Variants in SF3B1 observed in about 807,000 individuals in gnomAD.
SF3B1 encodes the protein pre-mRNA processing 10.
In SF3B1, 12 loss-of-function variants were observed where a neutral mutation model predicts 153.8. That is an observed-to-expected ratio of 0.08 (90% CI 0.05 to 0.13). The LOEUF is 0.13. Among genes scored for constraint, SF3B1 ranks in the 10% least tolerant of loss-of-function variants. The pLI is 1.00. For missense variants in SF3B1, 513 were observed against 1,606.1 expected (o/e 0.32, Z 11.63); for synonymous variants, 498 against 525.2 (o/e 0.95, Z 0.71).
At chr2:197,404,101 T>C (rs2084963061) in intron 11 of SF3B1, among the ~76,000 whole-genome samples, 2 of 152,232 alleles carry the variant, frequency 1.3e-5, no homozygotes, top group Admixed American at 1.3e-4. Context: ...CTTCAAGCTT[T>C]AAGCATATTT....
intron 4 of SF3B1, chr2:197,418,938 A>G: frequency 1.2e-6 from 2 of 1,601,396 alleles, no homozygotes; most frequent in Non-Finnish European, 1.7e-6. Flanking sequence ...GACTTCAAGC[A>G]GCAGAATAGA....
At position 197,401,982 on chromosome 2, in the gene SF3B1, T is replaced by C. The variant is rs771174485; in HGVS notation, c.2223+3A>G. On this transcript the variant is annotated splice_donor_region_variant and intron_variant, in intron 15 of 24. Transcript: ENST00000335508. The surrounding 1 kb of genome is among the most constrained non-coding windows in gnomAD (Gnocchi z 4.2). Reference sequence around the variant, plus strand: ...TAAATCAAAAGGTAATTGGTGGATTTACCTTTCCTCTGTGTTGGCGGATAC... The same window carrying C: ...TAAATCAAAAGGTAATTGGTGGATTCACCTTTCCTCTGTGTTGGCGGATAC... 9 of 1,610,564 alleles carry C rather than the reference T, an allele frequency of 5.6e-6. No homozygotes were observed. The highest frequency in any genetic ancestry group is 7.6e-6 in the Non-Finnish European group (9 of 1,179,236).
intron 6 of SF3B1, 125 bp from the exon 7 acceptor site, chr2:197,410,132 G>C (rs1257069176): frequency 6.5e-6 from 4 of 612,988 alleles, no homozygotes; most frequent in Non-Finnish European, 8.5e-6. Context: ...TGAAAAGTTA[G>C]AAGACACTAC....
chr2:197,392,629 T>C (rs2084824304), intron 24 of SF3B1, among the ~76,000 whole-genome samples, 168 bp from the exon 25 acceptor site: 4 of 138,778 alleles, frequency 2.9e-5, no homozygotes, highest in Non-Finnish European at 6.1e-5. Flanking sequence ...GAGACAAAAC[T>C]CACTCCCCTG....
rs2084832075 is a variant in SF3B1 at position 197,393,193 on chromosome 2, A to G, written c.3540-5T>C. On this transcript the variant is annotated splice_polypyrimidine_tract_variant and splice_region_variant and intron_variant, in intron 23 of 24. Transcript: ENST00000335508. ...GTCTGTCTGTGTACAAGGTCTCTAC[A>G]ACGGAAGGGAAAAAAGTCCTTTAAG... 2 of 1,606,100 alleles carry G rather than the reference A, an allele frequency of 1.2e-6. No individual in the cohort carries two copies. The highest frequency in any genetic ancestry group is 1.3e-5 in the African/African-American group (1 of 74,766).
chr2:197,422,291 C>T (rs1403493924), intron 2 of SF3B1, among the ~76,000 whole-genome samples: 1 of 151,698 alleles, frequency 6.6e-6, no homozygotes, highest in African/African-American at 2.4e-5. Flanking sequence ...TAAAATGTGA[C>T]TTGAATTTCT....
rs181334326 is a variant in SF3B1 at position 197,390,933 on chromosome 2, G to C, written c.*1370C>G. On this transcript the variant is annotated 3_prime_UTR_variant, in exon 25 of 25. Coordinates refer to ENST00000335508, the MANE Select transcript of SF3B1 (RefSeq NM_012433.4). ...GTTTCTTAACTAAGCTTCTGAAGCA[G>C]GAACTCCTAAAGTGTCAATAGGCAG... 3 of 152,146 alleles carry C rather than the reference G, an allele frequency of 2.0e-5. No homozygotes were observed. Among genetic ancestry groups the C allele is most frequent in the Non-Finnish European group, 4.4e-5 (3 of 68,054 alleles). The allele number at this position is 152,146 out of a possible 1,614,324, so 9.4% of individuals were successfully genotyped here. A position where few individuals can be genotyped will look rare whatever the true frequency, so the allele number is the denominator to read the frequency against.
At chr2:197,394,777 C>T (rs988911912) in intron 23 of SF3B1, among the ~76,000 whole-genome samples, 9 of 152,096 alleles carry the variant, frequency 5.9e-5, no homozygotes, top group Non-Finnish European at 8.8e-5. Context: ...TGGTGGCACA[C>T]GCCTGTAGTC....
intron 8 of SF3B1, 115 bp from the exon 9 acceptor site, chr2:197,408,234 C>A: frequency 7.8e-7 from 1 of 1,284,604 alleles, no homozygotes; most frequent in Non-Finnish European, 1.1e-6. Context: ...ATTATAAACG[C>A]AAACCAAGAC....
intron 6 of SF3B1, among the ~76,000 whole-genome samples, chr2:197,413,830 CAG>C (rs1272695786): frequency 2.6e-5 from 4 of 151,022 alleles, no homozygotes; most frequent in Admixed American, 1.3e-4. Context: ...TTTTTTGAGA[CAG>C]AGTCTCGCTG....
chr2:197,400,879 T>C lies in SF3B1; in HGVS notation c.2554A>G (p.Arg852Gly). The C allele has an allele frequency of 6.2e-7, 1 of 1,613,758 alleles. No homozygotes were observed. Among genetic ancestry groups the C allele is most frequent in the Non-Finnish European group, 8.5e-7 (1 of 1,179,838 alleles). The change falls in exon 18 of 25, where the codon AGG (arginine) becomes GGG (glycine). Residue 852 changes from arginine to glycine, a missense_variant. This residue lies in a region of SF3B1 where 50 missense variants were observed against 236.5 expected (regional missense o/e 0.21). Transcript: ENST00000335508. This position sits in a 1 kb window ranked among gnomAD's most constrained non-coding sequence, Gnocchi z 5.0. ...TCATCTTTCAGATCATCCACAATCC[T>C]GGATATAATTTCTGCTGCACCTACT... ...NKVGAAEIIS[R>G]IVDDLKDEAE...
chr2:197,412,342 AT>A (rs745580863), intron 6 of SF3B1, among the ~76,000 whole-genome samples: 11 of 24,670 alleles, frequency 4.5e-4, no homozygotes, highest in East Asian at 9.0e-4. Flanking sequence ...CTCTGATTTA[AT>A]TTATTTATTT....
chr2:197,433,388 G>A (rs1470226476), intron 1 of SF3B1, among the ~76,000 whole-genome samples: 1 of 152,156 alleles, frequency 6.6e-6, no homozygotes, highest in African/African-American at 2.4e-5. Context: ...TCCTGTCTGA[G>A]GGCATCTTAT....
intron 3 of SF3B1, 67 bp from the exon 4 acceptor site, chr2:197,420,609 A>T (rs2085225040): frequency 9.7e-7 from 1 of 1,029,570 alleles, no homozygotes. Flanking sequence ...ATCATAAACA[A>T]AAATCAGAAC....
At chr2:197,392,831 ACAGGTTGATAGGTG>A (rs1346636938) in intron 24 of SF3B1, 127 bp downstream of exon 24, 1 of 619,824 alleles carries the variant, frequency 1.6e-6, no homozygotes, top group African/African-American at 1.9e-5. Flanking sequence ...AACCTAGATG[ACAGGTTGATAGGTG>A]CAGCAAACCA....
chr2:197,398,614 T>C, intron 20 of SF3B1, 33 bp from the exon 21 acceptor site: 11 of 1,599,060 alleles, frequency 6.9e-6, no homozygotes, highest in Non-Finnish European at 9.4e-6. Context: ...CTATCAACAT[T>C]TGAATTGCAA....
rs1204138577 is a variant in SF3B1 at position 197,401,332 on chromosome 2, G to A, written c.2496+68C>T. 7 of 1,346,130 alleles carry A rather than the reference G, an allele frequency of 5.2e-6. No individual in the cohort carries two copies. Among genetic ancestry groups the A allele is most frequent in the Middle Eastern group, 1.9e-4 (1 of 5,364 alleles). 83.4% of individuals were successfully genotyped at this position (1,346,130 alleles called of 1,614,324 possible). A position where few individuals can be genotyped will look rare whatever the true frequency, so the allele number is the denominator to read the frequency against. On this transcript the variant is annotated intron_variant, in intron 17 of 24. Transcript: ENST00000335508. This position sits in a 1 kb window ranked among gnomAD's most constrained non-coding sequence, Gnocchi z 4.2. ...CAAGGCAAAAAATAATATACAACAT[G>A]CATTCAAGTTGACTAAAGAATGAGT...
At chr2:197,430,991 C>T (rs2085422596) in intron 1 of SF3B1, among the ~76,000 whole-genome samples, 1 of 152,052 alleles carries the variant, frequency 6.6e-6, no homozygotes, top group South Asian at 2.1e-4. Context: ...ACATATCAAG[C>T]TCTTGAGAAA....
At chr2:197,419,120 A>G in intron 4 of SF3B1, 1 of 584,420 alleles carries the variant, frequency 1.7e-6, no homozygotes. Context: ...TTTTAAAAAT[A>G]TACCTATAAT....
Sources: gnomAD v4.1 joint callset for allele counts (sites outside exome capture counted in the v4.1 genomes callset) on GRCh38, gnomAD v4.1.1 for gene constraint, gnomAD v4.1.1 regional missense constraint, Gnocchi (gnomAD v3.1) non-coding constraint, MANE v1.5 for transcripts, NCBI Gene and HGNC (gene_info 2026-07-23, HGNC 2026-07-21) for gene names.